Variants in SHROOM4 observed in about 807,000 individuals in gnomAD.
SHROOM4 encodes shroom family member 4.
Under a neutral mutation model 80.3 loss-of-function variants are expected in SHROOM4, and 17 were observed. The observed-to-expected ratio is 0.21, with a 90% CI of 0.14 to 0.32. SHROOM4 has a LOEUF of 0.32. SHROOM4 is among the 10% of genes least tolerant of loss of function. The pLI is 1.00. For missense variants in SHROOM4, 993 were observed against 1,140.3 expected, an observed-to-expected ratio of 0.87 and a Z score of 1.86; for synonymous variants, 400 against 437.5, an observed-to-expected ratio of 0.91 and a Z score of 1.07.
At chrX:50,697,761 A>C (rs1006992775) in intron 1 of SHROOM4, among the ~76,000 whole-genome samples, 5 of 111,734 alleles carry the variant, frequency 4.5e-5, no homozygotes, top group Non-Finnish European at 9.4e-5. Context: ...TGTCATTATC[A>C]TTATTACTTC....
chrX:50,716,825 C>G (rs1933966526), intron 1 of SHROOM4, among the ~76,000 whole-genome samples: 1 of 112,446 alleles, frequency 8.9e-6, no homozygotes, highest in South Asian at 3.7e-4. Flanking sequence ...AACTGGAGAA[C>G]AAAGTAATGA....
chrX:50,677,943 C>A (rs782734396), intron 2 of SHROOM4, among the ~76,000 whole-genome samples: 2 of 111,205 alleles, frequency 1.8e-5, no homozygotes, highest in Non-Finnish European at 3.8e-5. Flanking sequence ...TGGCTGTGAT[C>A]AACTCAAGTA....
intron 1 of SHROOM4, among the ~76,000 whole-genome samples, chrX:50,717,856 T>C (rs1223475922): frequency 8.9e-6 from 1 of 112,018 alleles, no homozygotes. Context: ...ATTGTGTGGC[T>C]GAGATGTACT....
chrX:50,775,625 G>A (rs1393368015), intron 1 of SHROOM4, among the ~76,000 whole-genome samples: 4 of 112,178 alleles, frequency 3.6e-5, no homozygotes, highest in African/African-American at 1.3e-4. Context: ...GCTCACAAGG[G>A]CAGGTAAGGG....
At chrX:50,758,182 A>C (rs1935078540) in intron 1 of SHROOM4, among the ~76,000 whole-genome samples, 1 of 111,949 alleles carries the variant, frequency 8.9e-6, no homozygotes, top group Admixed American at 9.5e-5. Flanking sequence ...AAAATATAAT[A>C]TTATCTATGA....
intron 2 of SHROOM4, among the ~76,000 whole-genome samples, chrX:50,650,041 A>G (rs1931980705): frequency 8.9e-6 from 1 of 112,335 alleles, no homozygotes; most frequent in Non-Finnish European, 1.9e-5. Flanking sequence ...ATGGAGGAAT[A>G]ATAGTTTGTC....
intron 6 of SHROOM4, among the ~76,000 whole-genome samples, chrX:50,605,527 G>A (rs1050861926): frequency 1.8e-5 from 2 of 112,492 alleles, no homozygotes; most frequent in African/African-American, 6.5e-5. Flanking sequence ...ATTTCTTTCT[G>A]TCTGGCCAAG....
At chrX:50,760,966 G>A (rs1935143614) in intron 1 of SHROOM4, among the ~76,000 whole-genome samples, 1 of 110,693 alleles carries the variant, frequency 9.0e-6, no homozygotes, top group Admixed American at 9.6e-5. Flanking sequence ...CTTCTTTACC[G>A]CCTTGTTTTG....
intron 2 of SHROOM4, among the ~76,000 whole-genome samples, chrX:50,644,520 C>T (rs1931747543): frequency 1.8e-5 from 2 of 112,043 alleles, no homozygotes; most frequent in South Asian, 7.5e-4. Context: ...CAGGCTCAGG[C>T]ACCAGGATTT....
chrX:50,686,314 CG>C (rs1289898813), intron 2 of SHROOM4, among the ~76,000 whole-genome samples: 1 of 110,618 alleles, frequency 9.0e-6, no homozygotes, highest in African/African-American at 3.3e-5. Context: ...GGATTACAGG[CG>C]TGAGTCCCCG....
intron 1 of SHROOM4, among the ~76,000 whole-genome samples, chrX:50,805,508 A>G (rs1287273400): frequency 8.9e-6 from 1 of 111,974 alleles, no homozygotes; most frequent in Non-Finnish European, 1.9e-5. Context: ...TGTAACATTA[A>G]AAGAGTTGAG....
intron 1 of SHROOM4, among the ~76,000 whole-genome samples, chrX:50,780,821 A>G (rs1269359454): frequency 8.9e-6 from 1 of 111,821 alleles, no homozygotes; most frequent in Non-Finnish European, 1.9e-5. Context: ...AGTTTTCCAG[A>G]GAAACAGAAC....
chrX:50,759,958 G>A (rs1557268718), intron 1 of SHROOM4, among the ~76,000 whole-genome samples: 1 of 111,453 alleles, frequency 9.0e-6, no homozygotes, highest in Non-Finnish European at 1.9e-5. Context: ...AGTTTGTTGA[G>A]ACTTGTTTTA....
intron 1 of SHROOM4, among the ~76,000 whole-genome samples, chrX:50,713,115 C>T (rs1198991849): frequency 9.0e-6 from 1 of 110,737 alleles, no homozygotes; most frequent in African/African-American, 3.3e-5. Context: ...GAAACCTGGG[C>T]CTGAGAAGCT....
At chrX:50,646,743 G>A (rs1931856019) in intron 2 of SHROOM4, among the ~76,000 whole-genome samples, 1 of 109,397 alleles carries the variant, frequency 9.1e-6, no homozygotes, top group Non-Finnish European at 1.9e-5. Flanking sequence ...GCCAGTTCAA[G>A]TTCTTCCATG....
chrX:50,743,187 T>C (rs782653766), intron 1 of SHROOM4, among the ~76,000 whole-genome samples: 19 of 108,303 alleles, frequency 1.8e-4, no homozygotes, highest in Non-Finnish European at 3.6e-4. Context: ...CAGACTCATG[T>C]AGTTCCTGAT....
chrX:50,635,321 C>G lies in SHROOM4; in HGVS notation c.752G>C (p.Ser251Thr). ...CTGTGGACGGGATGACATCTGAGAG[C>G]TGGGGGTCAGGTGGCCCCCATTGGT... ...RRTNGGHLTPSSQMSSRPQEG... is the reference protein window; with the variant it reads ...RRTNGGHLTPTSQMSSRPQEG... Residue 251 changes from serine (S) to threonine (T), a missense_variant, in exon 4 of 9, where the codon AGC (serine) becomes ACC (threonine). Ser to Thr is a moderately conservative substitution (Grantham distance 58, BLOSUM62 1). Coordinates refer to ENST00000376020, the MANE Select transcript of SHROOM4 (RefSeq NM_020717.5). 8.3e-7 allele frequency: 1 copy of G among 1,202,453 alleles called. No individual in the cohort carries two copies. The highest frequency in any genetic ancestry group is 1.7e-5 in the African/African-American group (1 of 57,685).
chrX:50,580,884 A>T, the SHROOM4 span, among the ~76,000 whole-genome samples: 1 of 112,532 alleles, frequency 8.9e-6, no homozygotes, highest in Non-Finnish European at 1.9e-5. Flanking sequence ...ATTTAAAGTT[A>T]ACTCTCTTGT....
At chrX:50,725,189 T>C (rs972321557) in intron 1 of SHROOM4, among the ~76,000 whole-genome samples, 1 of 112,092 alleles carries the variant, frequency 8.9e-6, no homozygotes, top group Non-Finnish European at 1.9e-5. Context: ...AAGGTTATTC[T>C]AGGATTTCAC....
Sources: allele counts gnomAD v4.1 joint callset (sites outside exome capture counted in the v4.1 genomes callset), GRCh38; gene constraint gnomAD v4.1.1; transcripts MANE v1.5; gene names NCBI Gene and HGNC (gene_info 2026-07-23, HGNC 2026-07-21).